The following DYNC1LI2 variants were observed in gnomAD, a reference collection of about 807,000 sequenced individuals.
DYNC1LI2 encodes cytoplasmic dynein 1 light intermediate chain 2.
In DYNC1LI2, 19 loss-of-function variants were observed where a neutral mutation model predicts 57.8. The ratio of observed to expected loss-of-function variants is 0.33; its 90% CI spans 0.23 to 0.48. The LOEUF (loss-of-function observed/expected upper bound fraction) is 0.48. Ranked by LOEUF, DYNC1LI2 falls within the 20% of genes least tolerant of loss-of-function variation. DYNC1LI2 has a pLI of 0.99. For missense variants in DYNC1LI2, 470 were observed against 604.2 expected (o/e 0.78, Z 2.33); for synonymous variants, 256 against 233.4 (o/e 1.10, Z -0.88).
chr16:66,744,563 C>A (rs1230066119), intron 3 of DYNC1LI2, among the ~76,000 whole-genome samples: 2 of 151,768 alleles, frequency 1.3e-5, no homozygotes, highest in African/African-American at 4.8e-5. Flanking sequence ...GAGATGGAGT[C>A]TCACTCTATC....
At chr16:66,744,072 T>G (rs2017892286) in intron 3 of DYNC1LI2, among the ~76,000 whole-genome samples, 1 of 152,116 alleles carries the variant, frequency 6.6e-6, no homozygotes, top group Non-Finnish European at 1.5e-5. Flanking sequence ...TTATGTATGT[T>G]TGTATATTTA....
intron 4 of DYNC1LI2, among the ~76,000 whole-genome samples, chr16:66,741,897 CAAAAAAAAAA>C (rs66527903): frequency 9.4e-6 from 1 of 106,848 alleles, no homozygotes; most frequent in African/African-American, 3.6e-5. Flanking sequence ...ATGTTAATTA[CAAAAAAAAAA>C]AAAAAAAAAA....
intron 4 of DYNC1LI2, among the ~76,000 whole-genome samples, chr16:66,741,597 C>A (rs2017837492): frequency 6.6e-6 from 1 of 151,686 alleles, no homozygotes; most frequent in South Asian, 2.1e-4. Context: ...GCCCGAGAAG[C>A]CCTCATTAAT....
At chr16:66,730,442 A>G in intron 7 of DYNC1LI2, 2 of 424,698 alleles carry the variant, frequency 4.7e-6, no homozygotes, top group East Asian at 4.1e-5. Flanking sequence ...CATGGGCCCA[A>G]GGTCTAAGGA....
rs1369210033 is a variant in DYNC1LI2, at chr16:66,751,248, G to A, written c.181+25C>T. ...GCCTCGCCCACCCCAGCGACCTGGGGCAACGCCCCGCCGCCGGCGCTCACC... is the reference window on the plus strand; with the variant it reads ...GCCTCGCCCACCCCAGCGACCTGGGACAACGCCCCGCCGCCGGCGCTCACC... On this transcript the variant is annotated intron_variant, in intron 2 of 12. Coordinates refer to ENST00000258198, the MANE Select transcript of DYNC1LI2 (RefSeq NM_006141.3). This position sits in a 1 kb window ranked among gnomAD's most constrained non-coding sequence, Gnocchi z 5.2. 1.2e-6 allele frequency: 2 copies of A among 1,607,766 alleles called. No individual in the cohort carries two copies. The highest frequency in any genetic ancestry group is 1.7e-6 in the Non-Finnish European group (2 of 1,177,616).
At position 66,751,538 on chromosome 16, in the gene DYNC1LI2, C is replaced by A; in HGVS notation, c.54G>T (p.Ala18=). ...TGGTCAGGTCGCCGGCGGCCGCCAC[C>A]GCGGGCCCGTTGGGACCTAGCAGCA... The part of the protein sequence containing the change: ...KKLLLGPNGP[A]VAAAGDLTSE... The change falls in exon 1 of 13, where the codon GCG becomes GCT. Residue 18 remains alanine (A), a synonymous_variant. Coordinates refer to ENST00000258198, the MANE Select transcript of DYNC1LI2 (RefSeq NM_006141.3). This position sits in a 1 kb window ranked among gnomAD's most constrained non-coding sequence, Gnocchi z 5.2. 1.3e-6 allele frequency: 2 copies of A among 1,588,306 alleles called. No homozygotes were observed. Among genetic ancestry groups the A allele is most frequent in the Non-Finnish European group, 1.7e-6 (2 of 1,169,686 alleles).
At chr16:66,724,691 TGC>T (rs2017505426) in intron 12 of DYNC1LI2, 1 of 152,144 alleles carries the variant, frequency 6.6e-6, no homozygotes, top group South Asian at 2.1e-4. Flanking sequence ...GGTGGGTGGC[TGC>T]CACAGAGGTG....
chr16:66,736,369 G>A (rs1385724159), intron 4 of DYNC1LI2, 125 bp from the exon 5 acceptor site: 7 of 1,154,286 alleles, frequency 6.1e-6, no homozygotes, highest in South Asian at 1.6e-5. Context: ...AAACTTCTTA[G>A]TCACATCCAA....
At chr16:66,743,560 CAAAAA>C (rs56749595) in intron 3 of DYNC1LI2, among the ~76,000 whole-genome samples, 6 of 87,180 alleles carry the variant, frequency 6.9e-5, no homozygotes, top group Non-Finnish European at 6.6e-5. Flanking sequence ...GACTCCATCT[CAAAAA>C]AAAAAAAAAA....
Position 66,721,755 on chromosome 16 carries a change from T to C in DYNC1LI2, c.*1967A>G, listed in dbSNP as rs570676817. 2.0e-5 allele frequency: 3 copies of C among 152,774 alleles called. No homozygotes were observed. In the South Asian group the frequency reaches 6.2e-4, roughly 32 times the overall value. 9.5% of individuals were successfully genotyped at this position (152,774 alleles called of 1,614,324 possible). The stretch of plus-strand genomic sequence containing the variant: ...TATTGACACAAAAAGTGCTTATCAG[T>C]TCAAATGATAAAAAATAAAGACAAA... On this transcript the variant is annotated 3_prime_UTR_variant, in exon 13 of 13. Coordinates refer to ENST00000258198, the MANE Select transcript of DYNC1LI2 (RefSeq NM_006141.3).
intron 3 of DYNC1LI2, among the ~76,000 whole-genome samples, chr16:66,748,066 T>C (rs2017969997): frequency 6.6e-6 from 1 of 151,896 alleles, no homozygotes; most frequent in South Asian, 2.1e-4. Flanking sequence ...GCGAGCAGAC[T>C]GCTTGAGCTC....
At chr16:66,741,591 G>C (rs1305511708) in intron 4 of DYNC1LI2, among the ~76,000 whole-genome samples, 2 of 151,774 alleles carry the variant, frequency 1.3e-5, no homozygotes, top group Non-Finnish European at 2.9e-5. Context: ...TGCCATGCCC[G>C]AGAAGCCCTC....
At chr16:66,732,192 A>G in intron 7 of DYNC1LI2, 147 bp downstream of exon 7, 1 of 1,051,892 alleles carries the variant, frequency 9.5e-7, no homozygotes, top group East Asian at 2.7e-5. Context: ...ATGCCTCATA[A>G]TCCGGAAAGG....
chr16:66,725,138 G>A (rs1318642876), intron 12 of DYNC1LI2, among the ~76,000 whole-genome samples: 1 of 143,744 alleles, frequency 7.0e-6, no homozygotes, highest in Non-Finnish European at 1.5e-5. Flanking sequence ...TCATGCCACT[G>A]TACTCCAGCC....
chr16:66,725,480 A>T (rs2017521695), intron 12 of DYNC1LI2, among the ~76,000 whole-genome samples: 1 of 152,160 alleles, frequency 6.6e-6, no homozygotes, highest in Non-Finnish European at 1.5e-5. Flanking sequence ...CCACCTTGGA[A>T]AAAGAAAAAA....
At chr16:66,727,551 A>G in intron 11 of DYNC1LI2, 137 bp downstream of exon 11, 1 of 747,596 alleles carries the variant, frequency 1.3e-6, no homozygotes. Flanking sequence ...GGAAATGGAA[A>G]GTAGCCCTTA....
rs994112956 is a variant in DYNC1LI2, at chr16:66,750,315, C to T, written c.181+958G>A. ...AGGAAAACTACCAAGGCAGTGATTC[C>T]CATGGGAATTGGGGGATGGAGGTGA... On this transcript the variant is annotated intron_variant, in intron 2 of 12. Transcript: ENST00000258198. Among the ~76,000 whole-genome samples the T allele has an allele frequency of 2.0e-5, 3 of 152,278 alleles. No individual in the cohort carries two copies. The South Asian group carries it at 6.2e-4, about 32-fold the overall frequency.
rs2018040529 is a variant in DYNC1LI2, at chr16:66,751,121, A to T, written c.181+152T>A. 4.2e-5 allele frequency: 36 copies of T among 847,156 alleles called. No individual in the cohort carries two copies. The South Asian group carries it at 6.5e-4, about 15-fold the overall frequency. 52.5% of individuals were successfully genotyped at this position (847,156 alleles called of 1,614,324 possible). A position where few individuals can be genotyped will look rare whatever the true frequency, so the allele number is the denominator to read the frequency against. On this transcript the variant is annotated intron_variant, in intron 2 of 12. Coordinates refer to ENST00000258198, the MANE Select transcript of DYNC1LI2 (RefSeq NM_006141.3). This position sits in a 1 kb window ranked among gnomAD's most constrained non-coding sequence, Gnocchi z 5.2. ...CCCACCCTCAGGCGCTGGAGGCTTG[A>T]CCACTCTCCAGCTGACCGGCCAGGG...
chr16:66,742,295 C>G, intron 4 of DYNC1LI2, 143 bp downstream of exon 4: 2 of 781,390 alleles, frequency 2.6e-6, no homozygotes, highest in Non-Finnish European at 4.0e-6. Context: ...ACTGAGTTTA[C>G]AAGAGGAACT....
Sources: gnomAD v4.1 joint callset for allele counts (sites outside exome capture counted in the v4.1 genomes callset) on GRCh38, gnomAD v4.1.1 for gene constraint, Gnocchi (gnomAD v3.1) non-coding constraint, MANE v1.5 for transcripts, NCBI Gene and HGNC (gene_info 2026-07-23, HGNC 2026-07-21) for gene names.